Variants in SLC26A8 observed in about 807,000 individuals in gnomAD.
SLC26A8 encodes the protein solute carrier family 26 member 8.
A neutral mutation model predicts 105.0 loss-of-function variants in SLC26A8; 70 were observed. That is an observed-to-expected ratio of 0.67 (90% CI 0.55 to 0.81). The LOEUF (loss-of-function observed/expected upper bound fraction) is 0.81, where lower values mean the gene tolerates loss of function less well. Ranked by LOEUF, SLC26A8 falls within the 40% of genes least tolerant of loss-of-function variation. SLC26A8 has a pLI of 0.00. For synonymous variants in SLC26A8, 415 were observed against 438.3 expected, an observed-to-expected ratio of 0.95 and a Z score of 0.66; for missense variants, 998 against 1,181.8, an observed-to-expected ratio of 0.84 and a Z score of 2.28.
intron 1 of SLC26A8, among the ~76,000 whole-genome samples, chr6:36,020,696 C>A (rs1389328097): frequency 6.6e-6 from 1 of 152,110 alleles, no homozygotes; most frequent in Non-Finnish European, 1.5e-5. Context: ...GGATAGGGAT[C>A]CATCTCTGGG....
At chr6:35,971,748 C>T (rs1411054572) in intron 10 of SLC26A8, among the ~76,000 whole-genome samples, 4 of 152,220 alleles carry the variant, frequency 2.6e-5, no homozygotes, top group African/African-American at 7.2e-5. Context: ...GCTCTCTCCA[C>T]GGCCCCATTG....
At chr6:35,991,024 G>C (rs1422645663) in intron 7 of SLC26A8, among the ~76,000 whole-genome samples, 1 of 152,164 alleles carries the variant, frequency 6.6e-6, no homozygotes, top group Non-Finnish European at 1.5e-5. Context: ...ATGTGTACTT[G>C]CAATTGCTAA....
intron 5 of SLC26A8, 123 bp from the exon 6 acceptor site, chr6:35,992,797 C>T: frequency 1.1e-6 from 1 of 944,072 alleles, no homozygotes; most frequent in Non-Finnish European, 1.5e-6. Context: ...TTTGGTAACT[C>T]TTGTAACTCT....
intron 2 of SLC26A8, among the ~76,000 whole-genome samples, chr6:36,014,112 G>A (rs1761934804): frequency 6.6e-6 from 1 of 152,194 alleles, no homozygotes; most frequent in Non-Finnish European, 1.5e-5. Context: ...TGGGTGTGTG[G>A]CAGGTGTACA....
intron 3 of SLC26A8, among the ~76,000 whole-genome samples, chr6:36,003,754 C>T (rs7740870): frequency 0.025 from 3,765 of 151,650 alleles, 172 homozygotes; most frequent in African/African-American, 0.086. Flanking sequence ...CTCCGCCTCC[C>T]GGGTTCACGC....
intron 3 of SLC26A8, among the ~76,000 whole-genome samples, chr6:36,004,880 G>C (rs1456242082): frequency 6.9e-6 from 1 of 145,686 alleles, no homozygotes; most frequent in Non-Finnish European, 1.5e-5. Flanking sequence ...TGCCCAGTCT[G>C]GTCTTGAACT....
chr6:35,955,167 T>A lies in SLC26A8; in HGVS notation c.2217A>T (p.Leu739Phe). Residue 739 changes from leucine (L) to phenylalanine (F), a missense_variant, in exon 17 of 20, where the codon TTA becomes TTT. Leu to Phe is a conservative substitution (Grantham distance 22). Transcript: ENST00000490799. ...SMVHYVDSRG[L>F]VVLRQICNAF... ...CAGTACTTACCTGTCTTAATACGAC[T>A]AACCCCCGTGAATCCACGTAGTGTA... is the stretch of plus-strand genomic sequence containing the variant. 1 of 1,614,164 alleles carries A rather than the reference T, an allele frequency of 6.2e-7. No individual in the cohort carries two copies. Among genetic ancestry groups the A allele is most frequent in the Non-Finnish European group, 8.5e-7 (1 of 1,180,040 alleles).
chr6:35,949,616 T>C (rs1002345341), intron 19 of SLC26A8, among the ~76,000 whole-genome samples: 3 of 152,162 alleles, frequency 2.0e-5, no homozygotes, highest in South Asian at 2.1e-4. Flanking sequence ...GAAACATTAA[T>C]AGATATGACT....
intron 19 of SLC26A8, among the ~76,000 whole-genome samples, chr6:35,949,196 G>C (rs1771773454): frequency 6.6e-6 from 1 of 152,174 alleles, no homozygotes; most frequent in South Asian, 2.1e-4. Flanking sequence ...CACTTTGGGA[G>C]GCTGGGGCGG....
chr6:35,946,394 A>G (rs538666049), intron 19 of SLC26A8, among the ~76,000 whole-genome samples: 83 of 152,056 alleles, frequency 5.5e-4, no homozygotes, highest in African/African-American at 1.9e-3. Flanking sequence ...GCGCCACCAC[A>G]CCCGACTAAT....
rs549418267 is a variant in SLC26A8, at chr6:35,981,667, A to T, written c.1025+454T>A. On this transcript the variant is annotated intron_variant, in intron 8 of 19. Transcript: ENST00000490799. The surrounding 1 kb of genome is among the most constrained non-coding windows in gnomAD (Gnocchi z 4.0). ...AACCTGTCTCAAAAATAAATAAATA[A>T]ATATATAAATAAATAAAACAGGGCA... Among the ~76,000 whole-genome samples, 2 of 152,062 alleles carry T rather than the reference A, an allele frequency of 1.3e-5. No individual in the cohort carries two copies. Among genetic ancestry groups the T allele is most frequent in the East Asian group, 1.9e-4 (1 of 5,190 alleles).
In SLC26A8 at chr6:35,982,214, T is replaced by TA. The variant is rs541557977; in HGVS notation, c.943-12dup. The TA allele has an allele frequency of 1.5e-3, 2,460 of 1,610,554 alleles. 4 individuals are homozygous for TA. Among genetic ancestry groups the TA allele is most frequent in the Non-Finnish European group, 1.8e-3 (2,108 of 1,177,762 alleles). ...AGTGAAGCCAATAATCTGTAGGGGG[T>TA]AAAAAAAGAAGGGATGGGGGCATAT... On this transcript the variant is annotated splice_polypyrimidine_tract_variant and intron_variant, in intron 7 of 19. Coordinates refer to ENST00000490799, the MANE Select transcript of SLC26A8 (RefSeq NM_052961.4).
chr6:35,977,995 G>T (rs573109048), intron 8 of SLC26A8, among the ~76,000 whole-genome samples: 17 of 151,700 alleles, frequency 1.1e-4, no homozygotes, highest in African/African-American at 4.1e-4. Flanking sequence ...CTGAGGCATG[G>T]GAATCTCTTG....
At chr6:36,010,223 G>T (rs559385038) in intron 3 of SLC26A8, among the ~76,000 whole-genome samples, 1 of 152,150 alleles carries the variant, frequency 6.6e-6, no homozygotes, top group Non-Finnish European at 1.5e-5. Flanking sequence ...AACAAGCTGC[G>T]ATGTATCCAT....
intron 5 of SLC26A8, among the ~76,000 whole-genome samples, chr6:35,993,252 G>GCAC (rs1761239140): frequency 7.1e-6 from 1 of 140,294 alleles, no homozygotes; most frequent in South Asian, 2.3e-4. Flanking sequence ...TGATTCTCCT[G>GCAC]TTTTGGCCTC....
rs1054818482 is a variant in SLC26A8 at position 35,956,834 on chromosome 6, G to A, written c.1864-1314C>T. ...CTTAGGAGGCTGAGGCAGGAGAATC[G>A]CTTGAACCCAGAAGGCAGAAGTTGC... On this transcript the variant is annotated intron_variant, in intron 16 of 19. Transcript: ENST00000490799. Among the ~76,000 whole-genome samples, 14 of 151,804 alleles carry A rather than the reference G, an allele frequency of 9.2e-5. No homozygotes were observed. The East Asian group carries it at 1.2e-3, about 13-fold the overall frequency.
chr6:35,988,085 A>G (rs1392451879), intron 7 of SLC26A8, among the ~76,000 whole-genome samples: 1 of 151,450 alleles, frequency 6.6e-6, no homozygotes, highest in Non-Finnish European at 1.5e-5. Context: ...TAATTTTTGT[A>G]TTTTTAGTAG....
intron 2 of SLC26A8, among the ~76,000 whole-genome samples, chr6:36,013,567 T>A (rs1761920607): frequency 2.0e-5 from 3 of 152,196 alleles, no homozygotes; most frequent in Admixed American, 1.3e-4. Context: ...CAAGAAAGAA[T>A]TTTCTGGTCC....
rs1440599876 is a variant in SLC26A8 at position 36,000,007 on chromosome 6, G to A, written c.430C>T (p.His144Tyr). Reference protein sequence around the residue: ...SVIYVIFGSCHQMSIGSFFLV... With the variant: ...SVIYVIFGSCYQMSIGSFFLV... ...CTGAACTCACCAATGGACATTTGAT[G>A]ACACGATCCAAAAATTACATAGATT... Residue 144 changes from histidine to tyrosine, a missense_variant, in exon 4 of 20, where the codon CAT (histidine) becomes TAT (tyrosine). Coordinates refer to ENST00000490799, the MANE Select transcript of SLC26A8 (RefSeq NM_052961.4). 1.4e-5 allele frequency: 22 copies of A among 1,612,800 alleles called. No homozygotes were observed. The highest frequency in any genetic ancestry group is 1.8e-5 in the Non-Finnish European group (21 of 1,178,860).
Sources: gnomAD v4.1 joint callset for allele counts (sites outside exome capture counted in the v4.1 genomes callset) on GRCh38, gnomAD v4.1.1 for gene constraint, Gnocchi (gnomAD v3.1) non-coding constraint, MANE v1.5 for transcripts, NCBI Gene and HGNC (gene_info 2026-07-23, HGNC 2026-07-21) for gene names.